C4orf36: variants seen among roughly 807,000 people sequenced by gnomAD.
C4orf36 encodes the protein uncharacterized protein C4orf36.
A neutral mutation model predicts 12.2 loss-of-function variants in C4orf36; 11 were observed. The observed-to-expected ratio is 0.90, with a 90% CI of 0.57 to 1.49. The LOEUF is 1.49. Among genes scored for constraint, C4orf36 ranks in the 40% most tolerant of loss-of-function variants. C4orf36 has a pLI of 0.00. For synonymous variants in C4orf36, 54 were observed against 51.3 expected, an observed-to-expected ratio of 1.05 and a Z score of -0.22; for missense variants, 137 against 133.9, an observed-to-expected ratio of 1.02 and a Z score of -0.11.
the C4orf36 span, among the ~76,000 whole-genome samples, chr4:86,911,892 T>C: frequency 3.3e-5 from 5 of 152,080 alleles, no homozygotes; most frequent in African/African-American, 4.8e-5. Context: ...GGAGTTTTGC[T>C]TTTTGTTGCC....
At chr4:86,898,186 G>A in the C4orf36 span, among the ~76,000 whole-genome samples, 1 of 152,148 alleles carries the variant, frequency 6.6e-6, no homozygotes, top group African/African-American at 2.4e-5. Flanking sequence ...GAGGCCAGGG[G>A]ATCAAGACCA....
the C4orf36 span, among the ~76,000 whole-genome samples, chr4:86,901,706 C>T: frequency 8.5e-5 from 13 of 152,104 alleles, no homozygotes; most frequent in Non-Finnish European, 1.8e-4. Flanking sequence ...CAACCGCGCC[C>T]GGCCACACAC....
chr4:86,926,966 T>G, the C4orf36 span, among the ~76,000 whole-genome samples: 1 of 152,380 alleles, frequency 6.6e-6, no homozygotes, highest in South Asian at 2.1e-4. Context: ...GGAATAATCA[T>G]ATTCATTCTC....
the C4orf36 span, among the ~76,000 whole-genome samples, chr4:86,900,180 C>T: frequency 1.4e-4 from 18 of 126,286 alleles, no homozygotes; most frequent in African/African-American, 4.7e-4. Flanking sequence ...GGACTACAGG[C>T]GCCTGCCACA....
At chr4:86,915,128 G>A in the C4orf36 span, among the ~76,000 whole-genome samples, 1 of 151,958 alleles carries the variant, frequency 6.6e-6, no homozygotes, top group Non-Finnish European at 1.5e-5. Flanking sequence ...GCAATACTAG[G>A]CCACCGTAGG....
the C4orf36 span, among the ~76,000 whole-genome samples, chr4:86,911,806 C>T: frequency 6.6e-6 from 1 of 152,130 alleles, no homozygotes; most frequent in Non-Finnish European, 1.5e-5. Context: ...CCCACCTCAG[C>T]CTTCCAAGCA....
At chr4:86,883,818 A>G (rs992406312) in intron 4 of C4orf36, among the ~76,000 whole-genome samples, 6 of 152,322 alleles carry the variant, frequency 3.9e-5, no homozygotes, top group Non-Finnish European at 5.9e-5. Context: ...ACTTGAGGTC[A>G]GAAGTTCGAG....
At chr4:86,895,755 C>T (rs1747575376), upstream of C4orf36, among the ~76,000 whole-genome samples, 1 of 151,814 alleles carries the variant, frequency 6.6e-6, no homozygotes, top group Non-Finnish European at 1.5e-5. Flanking sequence ...CTATTTCTAT[C>T]TCTATCTCTA....
At chr4:86,902,439 A>AAAAAAAAG in the C4orf36 span, among the ~76,000 whole-genome samples, 19 of 141,008 alleles carry the variant, frequency 1.3e-4, no homozygotes, top group African/African-American at 4.0e-4. Context: ...AAAAAAAAAA[A>AAAAAAAAG]AAAGAAAGAA....
chr4:86,886,515 T>C (rs1487123378), intron 4 of C4orf36: 3 of 152,222 alleles, frequency 2.0e-5, no homozygotes, highest in Non-Finnish European at 2.9e-5. Context: ...TGAAAAAATG[T>C]GCATCATCAC....
At chr4:86,882,572 A>C (rs1747073682) in intron 4 of C4orf36, among the ~76,000 whole-genome samples, 1 of 152,078 alleles carries the variant, frequency 6.6e-6, no homozygotes, top group African/African-American at 2.4e-5. Context: ...CACCACTACA[A>C]CTCTGATTGA....
intron 4 of C4orf36, among the ~76,000 whole-genome samples, chr4:86,879,947 C>T (rs373380129): frequency 6.6e-6 from 1 of 151,550 alleles, no homozygotes; most frequent in African/African-American, 2.4e-5. Flanking sequence ...AACTCCTGGG[C>T]TCAAGCAATC....
the C4orf36 span, among the ~76,000 whole-genome samples, chr4:86,907,896 G>A: frequency 2.3e-3 from 344 of 151,282 alleles, 3 homozygotes; most frequent in East Asian, 0.017. Context: ...TTGACCCGAG[G>A]AGCAGAGGTT....
At chr4:86,910,179 T>C in the C4orf36 span, among the ~76,000 whole-genome samples, 1 of 152,106 alleles carries the variant, frequency 6.6e-6, no homozygotes, top group Non-Finnish European at 1.5e-5. Context: ...TGGTTCCTCA[T>C]GCCTGTAATC....
At chr4:86,889,773 C>T (rs1431151988) in intron 2 of C4orf36, among the ~76,000 whole-genome samples, 4 of 152,078 alleles carry the variant, frequency 2.6e-5, no homozygotes, top group Admixed American at 2.0e-4. Flanking sequence ...AAAAATTAGC[C>T]GAATGTGGTG....
the C4orf36 span, among the ~76,000 whole-genome samples, chr4:86,919,898 G>T: frequency 2.6e-5 from 4 of 152,036 alleles, no homozygotes; most frequent in Non-Finnish European, 4.4e-5. Flanking sequence ...AGCTGAGAGT[G>T]GGGGAGTAGC....
chr4:86,891,347 G>A, intron 2 of C4orf36, 109 bp downstream of exon 2: 7 of 850,656 alleles, frequency 8.2e-6, no homozygotes, highest in Admixed American at 2.4e-5. Context: ...ACTTCACATA[G>A]CCCAGTATCT....
chr4:86,914,263 A>G, the C4orf36 span: 1 of 1,602,494 alleles, frequency 6.2e-7, no homozygotes, highest in South Asian at 1.1e-5. Context: ...CTCCAGACAT[A>G]GGCATTGTGG....
At chr4:86,889,351 CA>C (rs11357505) in intron 2 of C4orf36, among the ~76,000 whole-genome samples, 72,549 of 118,070 alleles carry the variant, frequency 0.61, 19,175 homozygotes, top group South Asian at 0.7. Context: ...AACTCCGTCT[CA>C]AAAAAAAAAA....
Sources: gnomAD v4.1 joint callset for allele counts (sites outside exome capture counted in the v4.1 genomes callset) on GRCh38, gnomAD v4.1.1 for gene constraint, MANE v1.5 for transcripts, NCBI Gene and HGNC (gene_info 2026-07-23, HGNC 2026-07-21) for gene names.